MYC: variants seen among roughly 807,000 people sequenced by gnomAD.
MYC encodes the protein MYC proto-oncogene, bHLH transcription factor.
In MYC, 1 loss-of-function variant was observed where a neutral mutation model predicts 30.5. That is an observed-to-expected ratio of 0.03 (90% CI 0.01 to 0.16). The LOEUF is 0.16. Among genes scored for constraint, MYC ranks in the 10% least tolerant of loss-of-function variants. The pLI is 1.00. For synonymous variants in MYC, 267 were observed against 250.7 expected, an observed-to-expected ratio of 1.07 and a Z score of -0.62; for missense variants, 508 against 589.0, an observed-to-expected ratio of 0.86 and a Z score of 1.42.
chr8:127,735,830 GA>G, upstream of MYC: 1 of 399,108 alleles, frequency 2.5e-6, no homozygotes, highest in East Asian at 3.6e-5. Flanking sequence ...GGGAGCAAAA[GA>G]AAATGGTAGG....
chr8:127,735,574 G>A (rs1335036147), upstream of MYC: 4 of 399,086 alleles, frequency 1.0e-5, no homozygotes, highest in Non-Finnish European at 1.8e-5. Flanking sequence ...CTGAACGCGC[G>A]CCCATTAATA....
rs566549822 is a variant in MYC at position 127,742,032 on chromosome 8, C to A, written c.*1074C>A. On this transcript the variant is annotated 3_prime_UTR_variant, in exon 3 of 3. Coordinates refer to ENST00000621592, the MANE Select transcript of MYC (RefSeq NM_002467.6). Reference sequence around the variant, plus strand: ...CACGCAGATAATACAAAGCAGCAATCTGGACCCATTCTGTTCAAAACACTT... The same window carrying A: ...CACGCAGATAATACAAAGCAGCAATATGGACCCATTCTGTTCAAAACACTT... Among the ~76,000 whole-genome samples, 13 of 152,344 alleles carry A rather than the reference C, an allele frequency of 8.5e-5. No individual in the cohort carries two copies. In the South Asian group the frequency reaches 1.2e-3, roughly 15 times the overall value.
rs1465173750 is a variant in MYC, at chr8:127,740,906, G to A, written c.1313G>A (p.Arg438Gln). Residue 438 changes from arginine to glutamine, a missense_variant, in exon 3 of 3, where the codon CGA becomes CAA. Arg to Gln is a conservative substitution (Grantham distance 43). This residue lies in a region of MYC where 31 missense variants were observed against 28.3 expected (regional missense o/e 1.09). Transcript: ENST00000621592. ...TCTGAAGAGGACTTGTTGCGGAAACGACGAGAACAGTTGAAACACAAACTT... is the reference window on the plus strand; with the variant it reads ...TCTGAAGAGGACTTGTTGCGGAAACAACGAGAACAGTTGAAACACAAACTT... 1 of 1,601,746 alleles carries A rather than the reference G, an allele frequency of 6.2e-7. No individual in the cohort carries two copies. Among genetic ancestry groups the A allele is most frequent in the Non-Finnish European group, 8.5e-7 (1 of 1,175,918 alleles).
rs763627051 is a variant in MYC, at chr8:127,738,975, T to C, written c.758T>C (p.Leu253Pro). 4.5e-6 allele frequency: 7 copies of C among 1,558,914 alleles called. No homozygotes were observed. Among genetic ancestry groups the C allele is most frequent in the Non-Finnish European group, 6.0e-6 (7 of 1,160,926 alleles). The change falls in exon 2 of 3, where the codon CTG becomes CCG. Residue 253 changes from leucine to proline, a missense_variant. This residue lies in a region of MYC where 364 missense variants were observed against 381.1 expected (regional missense o/e 0.96). Coordinates refer to ENST00000621592, the MANE Select transcript of MYC (RefSeq NM_002467.6). The surrounding 1 kb of genome is among the most constrained non-coding windows in gnomAD (Gnocchi z 7.6). Reference sequence around the variant, plus strand: ...TCCCCGCAGGGCAGCCCCGAGCCCCTGGTGCTCCATGAGGAGACACCGCCC... The same window carrying C: ...TCCCCGCAGGGCAGCCCCGAGCCCCCGGTGCTCCATGAGGAGACACCGCCC...
At chr8:127,737,672 G>A (rs944428802) in intron 1 of MYC, among the ~76,000 whole-genome samples, 2 of 151,954 alleles carry the variant, frequency 1.3e-5, no homozygotes, top group South Asian at 2.1e-4. Flanking sequence ...GTGTTGGACG[G>A]GGGCGGTACT....
At chr8:127,740,281 T>C in intron 2 of MYC, 115 bp from the exon 3 acceptor site, 1 of 1,093,674 alleles carries the variant, frequency 9.1e-7, no homozygotes, top group Non-Finnish European at 1.3e-6. Flanking sequence ...GAGATAATTT[T>C]GTCCAGAGAC....
rs1371960357 is a variant in MYC, at chr8:127,741,189, T to TA, written c.*237dup. The TA allele has an allele frequency of 5.1e-6, 2 of 391,512 alleles. No individual in the cohort carries two copies. Among genetic ancestry groups the TA allele is most frequent in the East Asian group, 7.5e-5 (2 of 26,806 alleles). 24.3% of individuals were successfully genotyped at this position (391,512 alleles called of 1,614,324 possible). On this transcript the variant is annotated 3_prime_UTR_variant, in exon 3 of 3. Transcript: ENST00000621592. ...CAGATTTGTATTTAAGAATTGTTTT[T>TA]AAAAAATTTTAAGATTTACACAATG...
chr8:127,738,870 G>A lies in MYC; in HGVS notation c.653G>A (p.Ser218Asn), dbSNP rs1813656642. The change falls in exon 2 of 3, where the codon AGC becomes AAC. Residue 218 changes from serine to asparagine, a missense_variant. Physicochemically the swap from Ser to Asn is conservative, Grantham distance 46. Around this residue, in one of 5 missense-constraint regions of MYC, gnomAD observed 364 missense variants for 381.1 expected, o/e 0.96. Transcript: ENST00000621592. This position sits in a 1 kb window ranked among gnomAD's most constrained non-coding sequence, Gnocchi z 7.6. ...TTCCCCTACCCTCTCAACGACAGCAGCTCGCCCAAGTCCTGCGCCTCGCAA... is the reference window on the plus strand; with the variant it reads ...TTCCCCTACCCTCTCAACGACAGCAACTCGCCCAAGTCCTGCGCCTCGCAA... The A allele has an allele frequency of 1.2e-6, 2 of 1,612,432 alleles. No individual in the cohort carries two copies. Among genetic ancestry groups the A allele is most frequent in the African/African-American group, 1.3e-5 (1 of 75,046 alleles).
Position 127,738,514 on chromosome 8 carries a change from AGACAAC to A in MYC, c.301_306del (p.Asn101_Asp102del). The A allele has an allele frequency of 2.5e-6, 4 of 1,610,666 alleles. No homozygotes were observed. Among genetic ancestry groups the A allele is most frequent in the Non-Finnish European group, 3.4e-6 (4 of 1,178,020 alleles). Reference sequence around the variant, plus strand: ...CGGTCACACCCTTCTCCCTTCGGGGAGACAACGACGGCGGTGGCGGGAGCTTCTCCA... The same window carrying A: ...CGGTCACACCCTTCTCCCTTCGGGGAGACGGCGGTGGCGGGAGCTTCTCCA... On this transcript the variant is annotated inframe_deletion, in exon 2 of 3. Coordinates refer to ENST00000621592, the MANE Select transcript of MYC (RefSeq NM_002467.6). The surrounding 1 kb of genome is among the most constrained non-coding windows in gnomAD (Gnocchi z 7.6).
In MYC at chr8:127,738,385, G is replaced by A; in HGVS notation, c.168G>A (p.Gln56=). 6.2e-7 allele frequency: 1 copy of A among 1,614,016 alleles called. No individual in the cohort carries two copies. Among genetic ancestry groups the A allele is most frequent in the Non-Finnish European group, 8.5e-7 (1 of 1,179,970 alleles). Residue 56 remains glutamine, a synonymous_variant, in exon 2 of 3, where the codon CAG becomes CAA. Coordinates refer to ENST00000621592, the MANE Select transcript of MYC (RefSeq NM_002467.6). This position sits in a 1 kb window ranked among gnomAD's most constrained non-coding sequence, Gnocchi z 7.6. ...AGCAGCAGCAGCAGAGCGAGCTGCA[G>A]CCCCCGGCGCCCAGCGAGGATATCT...
intron 1 of MYC, among the ~76,000 whole-genome samples, chr8:127,737,806 G>A (rs974750547): frequency 4.6e-5 from 7 of 152,218 alleles, no homozygotes; most frequent in Admixed American, 1.3e-4. Flanking sequence ...CGCGGAGCGG[G>A]GTTCACGCAG....
Position 127,738,778 on chromosome 8 carries a change from C to T in MYC, c.561C>T (p.Ser187=). 1 of 1,610,538 alleles carries T rather than the reference C, an allele frequency of 6.2e-7. No individual in the cohort carries two copies. Among genetic ancestry groups the T allele is most frequent in the Non-Finnish European group, 8.5e-7 (1 of 1,177,960 alleles). ...CCGCCCGCGGCCACAGCGTCTGCTC[C>T]ACCTCCAGCTTGTACCTGCAGGATC... The change falls in exon 2 of 3, where the codon TCC becomes TCT. Residue 187 remains serine (S), a synonymous_variant. Transcript: ENST00000621592. This position sits in a 1 kb window ranked among gnomAD's most constrained non-coding sequence, Gnocchi z 7.6.
chr8:127,735,747 C>T (rs1363173530), upstream of MYC: 1 of 399,080 alleles, frequency 2.5e-6, no homozygotes, highest in African/African-American at 2.1e-5. Flanking sequence ...GATTTATACT[C>T]ACAGGACAAG....
At position 127,738,235 on chromosome 8, in the gene MYC, T is replaced by C; in HGVS notation, c.31-13T>C. On this transcript the variant is annotated splice_polypyrimidine_tract_variant and intron_variant, in intron 1 of 2. Coordinates refer to ENST00000621592, the MANE Select transcript of MYC (RefSeq NM_002467.6). The surrounding 1 kb of genome is among the most constrained non-coding windows in gnomAD (Gnocchi z 7.6). ...ACTCAAGACTGCCTCCCGCTTTGTG[T>C]GCCCCGCTCCAGCAGCCTCCCGCGA... 6.4e-7 allele frequency: 1 copy of C among 1,565,430 alleles called. No homozygotes were observed. Among genetic ancestry groups the C allele is most frequent in the Non-Finnish European group, 8.7e-7 (1 of 1,153,258 alleles).
At chr8:127,735,826 A>G, upstream of MYC, 1 of 399,152 alleles carries the variant, frequency 2.5e-6, no homozygotes, top group Non-Finnish European at 4.4e-6. Context: ...GAGAGGGAGC[A>G]AAAGAAAATG....
At chr8:127,736,870 C>T in intron 1 of MYC, among the ~76,000 whole-genome samples, 1 of 152,248 alleles carries the variant, frequency 6.6e-6, no homozygotes, top group East Asian at 1.9e-4. Context: ...ACTACCCTTT[C>T]GAGATTTCTG....
chr8:127,741,287 A>T lies in MYC; in HGVS notation c.*329A>T. On this transcript the variant is annotated 3_prime_UTR_variant, in exon 3 of 3. Transcript: ENST00000621592. ...TTTATAGCAGTTACACAGAATTTCA[A>T]TCCTAGTATATAGTACCTAGTATTA... The T allele has an allele frequency of 3.7e-6, 1 of 266,704 alleles. No homozygotes were observed. The highest frequency in any genetic ancestry group is 1.3e-4 in the South Asian group (1 of 7,674). 16.5% of individuals were successfully genotyped at this position (266,704 alleles called of 1,614,324 possible). A position where few individuals can be genotyped will look rare whatever the true frequency, so the allele number is the denominator to read the frequency against.
chr8:127,741,440 G>A lies in MYC; in HGVS notation c.*482G>A. 4.6e-6 allele frequency: 1 copy of A among 218,266 alleles called. No individual in the cohort carries two copies. The highest frequency in any genetic ancestry group is 9.2e-6 in the Non-Finnish European group (1 of 108,736). 13.5% of individuals were successfully genotyped at this position (218,266 alleles called of 1,614,324 possible). The stretch of plus-strand genomic sequence containing the variant: ...ATCATTGAGCCAAATCTTAAGTTGT[G>A]AATGTTTTGTTTCGTTTCTTCCCCC... On this transcript the variant is annotated 3_prime_UTR_variant, in exon 3 of 3. Coordinates refer to ENST00000621592, the MANE Select transcript of MYC (RefSeq NM_002467.6).
Position 127,741,143 on chromosome 8 carries a change from C to A in MYC, c.*185C>A. ...GCATAAAAGAACTTTTTTATGCTTACCATCTTTTTTTTTTCTTTAACAGAT... is the reference window on the plus strand; with the variant it reads ...GCATAAAAGAACTTTTTTATGCTTAACATCTTTTTTTTTTCTTTAACAGAT... On this transcript the variant is annotated 3_prime_UTR_variant, in exon 3 of 3. Transcript: ENST00000621592. 2.3e-6 allele frequency: 1 copy of A among 431,308 alleles called. No homozygotes were observed. The highest frequency in any genetic ancestry group is 4.0e-6 in the Non-Finnish European group (1 of 251,566). 26.7% of individuals were successfully genotyped at this position (431,308 alleles called of 1,614,324 possible).
Sources: allele counts gnomAD v4.1 joint callset (sites outside exome capture counted in the v4.1 genomes callset), GRCh38; gene constraint gnomAD v4.1.1; regional missense constraint gnomAD v4.1.1; non-coding constraint Gnocchi (gnomAD v3.1); transcripts MANE v1.5; gene names NCBI Gene and HGNC (gene_info 2026-07-23, HGNC 2026-07-21).